HEG1: variants seen among roughly 807,000 people sequenced by gnomAD.
The protein encoded by HEG1 is protein HEG homolog 1.
A neutral mutation model predicts 125.6 loss-of-function variants in HEG1; 56 were observed. The ratio of observed to expected loss-of-function variants is 0.45; its 90% CI spans 0.36 to 0.56. The LOEUF is 0.56. Among genes scored for constraint, HEG1 ranks in the 20% least tolerant of loss-of-function variants. HEG1 has a pLI of 0.00. For synonymous variants in HEG1, 644 were observed against 668.5 expected (o/e 0.96, Z 0.57); for missense variants, 1,523 against 1,670.0 (o/e 0.91, Z 1.53).
chr3:124,997,630 C>T, intron 12 of HEG1, 59 bp downstream of exon 12: 1 of 1,469,326 alleles, frequency 6.8e-7, no homozygotes, highest in Non-Finnish European at 9.1e-7. Flanking sequence ...GAAAGAGAAA[C>T]AGAGCACCAG....
chr3:125,055,488 G>A (rs1360512630), intron 1 of HEG1, 87 bp downstream of exon 1: 3 of 926,254 alleles, frequency 3.2e-6, no homozygotes, highest in Non-Finnish European at 4.1e-6. Context: ...GCCGCGCGGA[G>A]GGGCCTACGG....
rs1391649979 is a variant in HEG1, at chr3:125,022,971, G to T, written c.914-1841C>A. Among the ~76,000 whole-genome samples the T allele has an allele frequency of 2.0e-5, 3 of 152,104 alleles. No homozygotes were observed. In the East Asian group the frequency reaches 5.8e-4, roughly 29 times the overall value. On this transcript the variant is annotated intron_variant, in intron 3 of 16. Transcript: ENST00000311127. ...CACTTTGGGAGGTTGAGGCGGGTGG[G>T]TCACCTGAGGTTAGGAGTTTGACAC...
At chr3:125,033,901 G>A (rs1937521791) in intron 1 of HEG1, among the ~76,000 whole-genome samples, 1 of 152,168 alleles carries the variant, frequency 6.6e-6, no homozygotes, top group African/African-American at 2.4e-5. Context: ...TGCATGCTCC[G>A]TATGAGAATC....
chr3:125,010,047 C>T (rs1464522766), intron 7 of HEG1, among the ~76,000 whole-genome samples: 7 of 152,152 alleles, frequency 4.6e-5, no homozygotes, highest in Non-Finnish European at 7.3e-5. Flanking sequence ...TTTGCATATA[C>T]GGGGGAAACA....
Position 125,020,854 on chromosome 3 carries a change from A to C in HEG1, c.1190T>G (p.Ile397Ser). 6.2e-7 allele frequency: 1 copy of C among 1,614,038 alleles called. No homozygotes were observed. The highest frequency in any genetic ancestry group is 8.5e-7 in the Non-Finnish European group (1 of 1,179,894). ...AAATTCATTTTCTGTGGATGGTTCAATGAATTCCTCATCCCCTGGATTCCC... is the reference window on the plus strand; with the variant it reads ...AAATTCATTTTCTGTGGATGGTTCACTGAATTCCTCATCCCCTGGATTCCC... ...VTGNPGDEEF[I>S]EPSTENEFGL... The change falls in exon 4 of 17, where the codon ATT (isoleucine) becomes AGT (serine). Residue 397 changes from isoleucine to serine, a missense_variant. Transcript: ENST00000311127.
chr3:125,023,296 C>T (rs943833982), intron 3 of HEG1, among the ~76,000 whole-genome samples: 3 of 152,138 alleles, frequency 2.0e-5, no homozygotes, highest in Non-Finnish European at 4.4e-5. Context: ...CTGTCCATCT[C>T]TAGTGGATTT....
chr3:125,040,497 T>G (rs1047599714), intron 1 of HEG1, among the ~76,000 whole-genome samples: 2 of 152,110 alleles, frequency 1.3e-5, no homozygotes, highest in South Asian at 4.1e-4. Flanking sequence ...AGTAAGACAC[T>G]GATGCTCAGC....
intron 14 of HEG1, among the ~76,000 whole-genome samples, chr3:124,983,594 T>TA (rs1213932682): frequency 2.6e-5 from 4 of 151,670 alleles, no homozygotes; most frequent in Non-Finnish European, 5.9e-5. Context: ...CTCGGCCTCC[T>TA]AAAGTGCTGG....
intron 2 of HEG1, among the ~76,000 whole-genome samples, chr3:125,028,129 C>G (rs891368648): frequency 6.6e-6 from 1 of 152,184 alleles, no homozygotes; most frequent in Non-Finnish European, 1.5e-5. Context: ...ATCGCAGCAC[C>G]TGGTGTCTGA....
At chr3:125,017,212 G>A (rs753824757) in intron 5 of HEG1, among the ~76,000 whole-genome samples, 25 of 152,154 alleles carry the variant, frequency 1.6e-4, no homozygotes, top group Non-Finnish European at 2.9e-4. Context: ...GTGCCACTAT[G>A]TCTGGCTAAT....
chr3:125,016,836 AAC>A (rs1482857251), intron 5 of HEG1, among the ~76,000 whole-genome samples: 2 of 152,244 alleles, frequency 1.3e-5, no homozygotes, highest in Non-Finnish European at 2.9e-5. Context: ...TTACATTGAT[AAC>A]AGACTGTGAG....
chr3:125,008,964 G>A (rs1433982565), intron 8 of HEG1, among the ~76,000 whole-genome samples: 1 of 152,222 alleles, frequency 6.6e-6, no homozygotes, highest in Non-Finnish European at 1.5e-5. Flanking sequence ...AGAGCTGTGG[G>A]CTGGGAACCA....
chr3:124,973,711 C>T lies in HEG1; in HGVS notation c.3996+20G>A. ...GAGGAACCGGGGGCCCTGGGGTCAT[C>T]CTGACACAGGAATACACACCGAGTA... On this transcript the variant is annotated intron_variant, in intron 16 of 16. Transcript: ENST00000311127. 1 of 1,592,156 alleles carries T rather than the reference C, an allele frequency of 6.3e-7. No individual in the cohort carries two copies. Among genetic ancestry groups the T allele is most frequent in the Middle Eastern group, 1.7e-4 (1 of 5,980 alleles).
chr3:124,969,302 A>G lies in HEG1; in HGVS notation c.*1350T>C, dbSNP rs1936381618. 1.3e-5 allele frequency: 2 copies of G among 152,218 alleles called. No homozygotes were observed. Among genetic ancestry groups the G allele is most frequent in the Admixed American group, 1.3e-4 (2 of 15,274 alleles). The allele number at this position is 152,218 out of a possible 1,614,324, so 9.4% of individuals were successfully genotyped here. A position where few individuals can be genotyped will look rare whatever the true frequency, so the allele number is the denominator to read the frequency against. The stretch of plus-strand genomic sequence containing the variant: ...CCCTGGCAGGACCCACATCACAGGC[A>G]TAATAAATAAGATGAGTGGAACTTC... On this transcript the variant is annotated 3_prime_UTR_variant, in exon 17 of 17. Coordinates refer to ENST00000311127, the MANE Select transcript of HEG1 (RefSeq NM_020733.2).
chr3:124,999,791 G>A (rs1348973405), intron 11 of HEG1, among the ~76,000 whole-genome samples: 2 of 152,150 alleles, frequency 1.3e-5, no homozygotes, highest in Non-Finnish European at 2.9e-5. Flanking sequence ...GTCTTTCCTG[G>A]GCATAACATC....
At chr3:125,019,181 T>C in intron 5 of HEG1, 81 bp downstream of exon 5, 1 of 1,270,378 alleles carries the variant, frequency 7.9e-7, no homozygotes, top group Non-Finnish European at 1.1e-6. Flanking sequence ...ATGCGTGGTT[T>C]TAATACGCCA....
At chr3:124,987,659 T>A (rs1936759806) in intron 14 of HEG1, among the ~76,000 whole-genome samples, 1 of 151,014 alleles carries the variant, frequency 6.6e-6, no homozygotes, top group South Asian at 2.1e-4. Context: ...TAGCTGGAAC[T>A]ACAGGCGCTC....
At chr3:125,017,834 C>T (rs988788107) in intron 5 of HEG1, among the ~76,000 whole-genome samples, 4 of 150,696 alleles carry the variant, frequency 2.7e-5, no homozygotes, top group Admixed American at 6.6e-5. Context: ...TCCTGGCTAA[C>T]ATGGTGAAAC....
Position 125,027,118 on chromosome 3 carries a change from A to G in HEG1, c.913+87T>C. 5 of 1,227,800 alleles carry G rather than the reference A, an allele frequency of 4.1e-6. No individual in the cohort carries two copies. The South Asian group carries it at 6.4e-5, about 16-fold the overall frequency. 76.1% of individuals were successfully genotyped at this position (1,227,800 alleles called of 1,614,324 possible). ...ATGTCTTTTCCCCTTACCCACTATT[A>G]TGAGTATGTAACTAGCTGGCTATGC... On this transcript the variant is annotated intron_variant, in intron 3 of 16. Transcript: ENST00000311127.
Sources: gnomAD v4.1 joint callset for allele counts (sites outside exome capture counted in the v4.1 genomes callset) on GRCh38, gnomAD v4.1.1 for gene constraint, MANE v1.5 for transcripts, NCBI Gene and HGNC (gene_info 2026-07-23, HGNC 2026-07-21) for gene names.